The following PFKP variants were observed in gnomAD, a reference collection of about 807,000 sequenced individuals.
PFKP encodes phosphofructokinase, platelet, also known as ATP-dependent 6-phosphofructokinase, platelet type.
Under a neutral mutation model 94.3 loss-of-function variants are expected in PFKP, and 101 were observed. The observed-to-expected ratio is 1.07, with a 90% CI of 0.91 to 1.26. The LOEUF (loss-of-function observed/expected upper bound fraction) is 1.26. Ranked by LOEUF, PFKP falls within the 50% of genes most tolerant of loss-of-function variation. PFKP has a pLI of 0.00. For synonymous variants in PFKP, 573 were observed against 432.6 expected (o/e 1.32, Z -4.03); for missense variants, 1,145 against 1,103.3 (o/e 1.04, Z -0.53).
chr10:3,067,591 T>A lies in PFKP; in HGVS notation c.-5T>A, dbSNP rs1203627580. 7 of 1,498,742 alleles carry A rather than the reference T, an allele frequency of 4.7e-6. No individual in the cohort carries two copies. The highest frequency in any genetic ancestry group is 5.4e-6 in the Non-Finnish European group (6 of 1,113,566). The allele number at this position is 1,498,742 out of a possible 1,614,324, so 92.8% of individuals were successfully genotyped here. On this transcript the variant is annotated 5_prime_UTR_variant, in exon 1 of 22. Transcript: ENST00000381125. ...GGACGTGCGGCTCCCCTCGGCCTCC[T>A]CGCCATGGACGCGGACGACTCCCGG...
chr10:3,086,523 C>T (rs1358265494), intron 2 of PFKP, among the ~76,000 whole-genome samples: 3 of 152,114 alleles, frequency 2.0e-5, no homozygotes. Flanking sequence ...GAAAGGATTG[C>T]CCCTGGAATG....
chr10:3,104,290 C>G (rs1263358367), intron 5 of PFKP, among the ~76,000 whole-genome samples: 3 of 152,192 alleles, frequency 2.0e-5, no homozygotes, highest in South Asian at 2.1e-4. Context: ...AGAAACGCAG[C>G]CAGCGATGTC....
chr10:3,095,502 C>CT (rs1834411549), intron 2 of PFKP, among the ~76,000 whole-genome samples: 1 of 152,184 alleles, frequency 6.6e-6, no homozygotes, highest in South Asian at 2.1e-4. Context: ...ACGAGGAGCT[C>CT]TAAGGTTCAT....
intron 4 of PFKP, among the ~76,000 whole-genome samples, chr10:3,102,063 A>G (rs1185056927): frequency 3.3e-5 from 5 of 150,368 alleles, no homozygotes; most frequent in Non-Finnish European, 6.0e-5. Context: ...CATCCCGGCT[A>G]AAACGGTGAA....
intron 16 of PFKP, among the ~76,000 whole-genome samples, chr10:3,126,383 T>G (rs1156898514): frequency 6.6e-6 from 1 of 152,206 alleles, no homozygotes; most frequent in African/African-American, 2.4e-5. Flanking sequence ...GGCCCCGCAC[T>G]TGACCCCTGT....
At chr10:3,098,481 A>G (rs773441967) in intron 2 of PFKP, among the ~76,000 whole-genome samples, 2 of 151,790 alleles carry the variant, frequency 1.3e-5, no homozygotes, top group African/African-American at 2.4e-5. Flanking sequence ...TGAGACCAGC[A>G]TGGCCAACAA....
At chr10:3,118,029 G>T (rs1173961190) in intron 14 of PFKP, among the ~76,000 whole-genome samples, 1 of 152,200 alleles carries the variant, frequency 6.6e-6, no homozygotes, top group Non-Finnish European at 1.5e-5. Flanking sequence ...CCAGGGAGGG[G>T]CACAGTCTGG....
At chr10:3,101,825 A>G (rs1048718813) in intron 4 of PFKP, among the ~76,000 whole-genome samples, 3 of 152,162 alleles carry the variant, frequency 2.0e-5, no homozygotes, top group Non-Finnish European at 4.4e-5. Flanking sequence ...CAGGTTTTAG[A>G]TCATCCCATT....
intron 8 of PFKP, 71 bp from the exon 9 acceptor site, chr10:3,108,630 T>A (rs981178750): frequency 1.6e-5 from 18 of 1,124,922 alleles, no homozygotes; most frequent in Non-Finnish European, 2.0e-5. Context: ...CAGTGCCCAG[T>A]ACCTCCTTCC....
chr10:3,098,730 C>T lies in PFKP; in HGVS notation c.187-545C>T, dbSNP rs987896420. On this transcript the variant is annotated intron_variant, in intron 2 of 21. Transcript: ENST00000381125. ...GGCTTCTTCTATCAATGTGTCCTCA[C>T]ATATTGATATCTGATTCCCTAATGC... is the stretch of plus-strand genomic sequence containing the variant. Among the ~76,000 whole-genome samples the T allele has an allele frequency of 5.4e-5, 8 of 149,058 alleles. 1 individual carries two copies. The highest frequency in any genetic ancestry group is 1.5e-5 in the Non-Finnish European group (1 of 67,448).
rs2306302 is a variant in PFKP, at chr10:3,112,269, G to T, written c.1137G>T (p.Ala379=). ...TGGACGAGAGGAGATTTCAAGATGC[G>T]GTTCGACTCCGAGGGAGGTGAGGTG... ...KAMDERRFQD[A]VRLRGRSFAG... is the part of the protein sequence containing the mutation. The change falls in exon 11 of 22, where the codon GCG becomes GCT. Residue 379 remains alanine, a synonymous_variant. Transcript: ENST00000381125. The T allele has an allele frequency of 6.2e-7, 1 of 1,612,650 alleles. No homozygotes were observed. The highest frequency in any genetic ancestry group is 1.3e-5 in the African/African-American group (1 of 74,842).
chr10:3,084,927 C>T (rs182395284), intron 2 of PFKP, among the ~76,000 whole-genome samples: 9 of 58,266 alleles, frequency 1.5e-4, no homozygotes, highest in African/African-American at 6.7e-4. Context: ...CCCATTCCCT[C>T]CCCAGCACGG....
intron 1 of PFKP, among the ~76,000 whole-genome samples, chr10:3,077,957 G>A (rs1055613542): frequency 6.6e-6 from 1 of 152,204 alleles, no homozygotes; most frequent in African/African-American, 2.4e-5. Flanking sequence ...ACGAAGCGGT[G>A]TTTTTCCAAA....
intron 17 of PFKP, among the ~76,000 whole-genome samples, chr10:3,131,468 A>G (rs528862506): frequency 7.9e-5 from 12 of 152,206 alleles, no homozygotes; most frequent in Middle Eastern, 3.4e-3. Flanking sequence ...TTTTTGCTTT[A>G]ATTTTTGAGA....
At chr10:3,088,490 C>T (rs1032621899) in intron 2 of PFKP, among the ~76,000 whole-genome samples, 2 of 152,082 alleles carry the variant, frequency 1.3e-5, no homozygotes, top group Non-Finnish European at 1.5e-5. Context: ...AGCAAAGCCC[C>T]GGCTGACCTG....
chr10:3,079,673 G>GGGGGGAGGGGGTGGGGGGGGA (rs1832891526), intron 1 of PFKP, among the ~76,000 whole-genome samples: 1 of 113,334 alleles, frequency 8.8e-6, no homozygotes, highest in Non-Finnish European at 2.0e-5. Context: ...GGGGGGGGGG[G>GGGGGGAGGGGGTGGGGGGGGA]GAAGAGGAGC....
intron 2 of PFKP, among the ~76,000 whole-genome samples, chr10:3,097,812 C>T (rs984730001): frequency 1.1e-4 from 17 of 152,142 alleles, no homozygotes; most frequent in African/African-American, 4.1e-4. Context: ...GGAAACCAGC[C>T]TGGCCAACAT....
chr10:3,123,238 G>C (rs186627338), intron 16 of PFKP, among the ~76,000 whole-genome samples: 1 of 152,324 alleles, frequency 6.6e-6, no homozygotes, highest in African/African-American at 2.4e-5. Flanking sequence ...CGTCCTGTAA[G>C]CTCGATAAGG....
chr10:3,121,527 G>A (rs985719529), intron 16 of PFKP, among the ~76,000 whole-genome samples: 4 of 151,414 alleles, frequency 2.6e-5, no homozygotes, highest in South Asian at 2.1e-4. Flanking sequence ...GAGAGCGGTC[G>A]CTGCAGTTAG....
Sources: allele counts gnomAD v4.1 joint callset (sites outside exome capture counted in the v4.1 genomes callset), GRCh38; gene constraint gnomAD v4.1.1; transcripts MANE v1.5; gene names NCBI Gene and HGNC (gene_info 2026-07-23, HGNC 2026-07-21).